PAGE5: variants seen among roughly 807,000 people sequenced by gnomAD.
PAGE5 encodes PAGE family member 5, also known as P antigen family member 5.
Under a neutral mutation model 8.1 loss-of-function variants are expected in PAGE5, and 8 were observed. The observed-to-expected ratio is 0.98, with a 90% confidence interval of 0.58 to 1.77. The LOEUF (loss-of-function observed/expected upper bound fraction) is 1.77, where lower values mean the gene tolerates loss of function less well. Ranked by LOEUF, PAGE5 falls within the 40% of genes most tolerant of loss-of-function variation. PAGE5 has a pLI of 0.00. For synonymous variants in PAGE5, 30 were observed against 27.0 expected (o/e 1.11, Z -0.35); for missense variants, 64 against 77.6 (o/e 0.82, Z 0.66).
At chrX:55,223,757 C>T (rs147204945) in intron 4 of PAGE5, among the ~76,000 whole-genome samples, 1,517 of 111,680 alleles carry the variant, frequency 0.014, 31 homozygotes, top group African/African-American at 0.047. Flanking sequence ...ATTCTGTACT[C>T]GAACAGTGTC....
At chrX:55,220,515 G>C in intron 1 of PAGE5, 63 bp downstream of exon 1, 1 of 957,141 alleles carries the variant, frequency 1.0e-6, no homozygotes, top group Non-Finnish European at 1.5e-6. Context: ...AGGAGCCAGC[G>C]GGCTTAGGAC....
chrX:55,220,607 C>T lies in PAGE5; in HGVS notation c.-9+155C>T, dbSNP rs758141055. The T allele has an allele frequency of 3.2e-5, 38 of 1,196,841 alleles. No individual in the cohort carries two copies. The highest frequency in any genetic ancestry group is 9.2e-5 in the South Asian group (5 of 54,589). On this transcript the variant is annotated intron_variant, in intron 1 of 4. Coordinates refer to ENST00000374955, the MANE Select transcript of PAGE5 (RefSeq NM_001013435.3). ...GCCTTCCCCCAGGTCCTGATGCAGG[C>T]GCCATGGGCCGGTAATCGTGGCTGG...
intron 3 of PAGE5, 59 bp from the exon 4 acceptor site, chrX:55,222,562 T>C: frequency 9.0e-7 from 1 of 1,104,994 alleles, no homozygotes; most frequent in South Asian, 1.9e-5. Flanking sequence ...GAATAAATAT[T>C]ATTACCTCGT....
At position 55,224,011 on chromosome X, in the gene PAGE5, C is replaced by A. The variant is rs368924043; in HGVS notation, c.*8C>A. On this transcript the variant is annotated 3_prime_UTR_variant, in exon 5 of 5. Transcript: ENST00000374955. Reference sequence around the variant, plus strand: ...GGTGAAGGGCAACTATAGGTTTAAACCAAGACAAATGAAGACTGAAACCAA... The same window carrying A: ...GGTGAAGGGCAACTATAGGTTTAAAACAAGACAAATGAAGACTGAAACCAA... 3.5e-6 allele frequency: 4 copies of A among 1,132,908 alleles called. No homozygotes were observed. The South Asian group carries it at 8.8e-5, about 25-fold the overall frequency. 93.4% of individuals were successfully genotyped at this position (1,132,908 alleles called of 1,213,427 possible). A position where few individuals can be genotyped will look rare whatever the true frequency, so the allele number is the denominator to read the frequency against.
Position 55,222,777 on chromosome X carries a change from G to T in PAGE5, c.316+31G>T, listed in dbSNP as rs776422680. On this transcript the variant is annotated intron_variant, in intron 4 of 4. Coordinates refer to ENST00000374955, the MANE Select transcript of PAGE5 (RefSeq NM_001013435.3). ...TTATTCAATAAGATGCAAATTATAG[G>T]GTTTCTATTTTCACAATATTGTATT... The T allele has an allele frequency of 5.9e-6, 7 of 1,189,683 alleles. No individual in the cohort carries two copies. The South Asian group carries it at 9.2e-5, about 16-fold the overall frequency.
intron 3 of PAGE5, 86 bp downstream of exon 3, chrX:55,221,961 C>A: frequency 1.1e-6 from 1 of 941,753 alleles, no homozygotes. Context: ...AACAGGAGGA[C>A]AGAAAACATT....
At chrX:55,221,288 G>C (rs1268198159) in intron 1 of PAGE5, 87 bp from the exon 2 acceptor site, 1 of 880,679 alleles carries the variant, frequency 1.1e-6, no homozygotes, top group African/African-American at 2.0e-5. Context: ...AATTAAAAAA[G>C]TACAAATCAC....
chrX:55,220,545 G>A (rs761883603), intron 1 of PAGE5, 93 bp downstream of exon 1: 46 of 1,132,752 alleles, frequency 4.1e-5, no homozygotes, highest in Non-Finnish European at 5.4e-5. Flanking sequence ...GGCACAGTCC[G>A]TGGCTTTGAG....
chrX:55,223,123 A>G (rs1001364645), intron 4 of PAGE5, among the ~76,000 whole-genome samples: 1 of 112,445 alleles, frequency 8.9e-6, no homozygotes, highest in Non-Finnish European at 1.9e-5. Flanking sequence ...AATTAGGTTG[A>G]GCCGTTTTAC....
chrX:55,221,492 A>G (rs755521905), intron 2 of PAGE5, 29 bp downstream of exon 2: 31 of 1,166,799 alleles, frequency 2.7e-5, no homozygotes, highest in Non-Finnish European at 3.1e-5. Flanking sequence ...GATGTTTTCT[A>G]TTAACACATT....
At position 55,221,745 on chromosome X, in the gene PAGE5, G is replaced by A. The variant is rs780915198; in HGVS notation, c.82-22G>A. The stretch of plus-strand genomic sequence containing the variant: ...TGTTTATATTATTGACTTTTTATTC[G>A]CACACACACTTACACCCTTAGGTCC... On this transcript the variant is annotated intron_variant, in intron 2 of 4. Transcript: ENST00000374955. 3.4e-4 allele frequency: 408 copies of A among 1,190,230 alleles called. 3 individuals are homozygous for A. The East Asian group carries it at 9.7e-3, about 28-fold the overall frequency.
chrX:55,222,513 A>C (rs1275424253), intron 3 of PAGE5, 108 bp from the exon 4 acceptor site: 2 of 910,053 alleles, frequency 2.2e-6, no homozygotes, highest in Admixed American at 5.1e-5. Flanking sequence ...AGACTTCTGA[A>C]ATAATTAGCC....
chrX:55,223,925 C>T (rs1937925948), intron 4 of PAGE5, 62 bp from the exon 5 acceptor site: 1 of 942,779 alleles, frequency 1.1e-6, no homozygotes. Context: ...TTGTATACTT[C>T]TAGTGTCATC....
intron 3 of PAGE5, 131 bp from the exon 4 acceptor site, chrX:55,222,490 C>A (rs1203622046): frequency 1.3e-6 from 1 of 791,481 alleles, no homozygotes; most frequent in Non-Finnish European, 1.9e-6. Context: ...TGCTTTCCTG[C>A]TTTTCTGGCA....
chrX:55,223,567 CT>C (rs912959730), intron 4 of PAGE5, among the ~76,000 whole-genome samples: 1 of 112,046 alleles, frequency 8.9e-6, no homozygotes, highest in African/African-American at 3.2e-5. Flanking sequence ...ATTTCCTGCA[CT>C]TAGGCAGTTC....
chrX:55,220,679 G>A (rs777545335), intron 1 of PAGE5: 1 of 1,183,934 alleles, frequency 8.4e-7, no homozygotes, highest in South Asian at 1.9e-5. Context: ...TAGATCGCCT[G>A]AAGATGGTGC....
chrX:55,220,506 G>A (rs903924422), intron 1 of PAGE5, 54 bp downstream of exon 1: 18 of 856,395 alleles, frequency 2.1e-5, no homozygotes, highest in Non-Finnish European at 3.1e-5. Context: ...AATGTGTGGA[G>A]GAGCCAGCGG....
rs1331043814 is a variant in PAGE5, at chrX:55,221,360, A to G, written c.-8-15A>G. The stretch of plus-strand genomic sequence containing the variant: ...TCTTACACACTTTTTCCAAATAACA[A>G]TATTTTGTTTTCAGTGAGAGATATG... On this transcript the variant is annotated splice_polypyrimidine_tract_variant and intron_variant, in intron 1 of 4. Transcript: ENST00000374955. 1.7e-6 allele frequency: 2 copies of G among 1,193,302 alleles called. No homozygotes were observed. The highest frequency in any genetic ancestry group is 1.8e-5 in the African/African-American group (1 of 56,773).
rs1937880343 is a variant in PAGE5, at chrX:55,220,716, G to C, written c.-9+264G>C. The C allele has an allele frequency of 6.5e-6, 7 of 1,081,410 alleles. No homozygotes were observed. In the African/African-American group the frequency reaches 1.3e-4, roughly 20 times the overall value. The allele number at this position is 1,081,410 out of a possible 1,213,427, so 89.1% of individuals were successfully genotyped here. A position where few individuals can be genotyped will look rare whatever the true frequency, so the allele number is the denominator to read the frequency against. The stretch of plus-strand genomic sequence containing the variant: ...AGTCCTGGGGGTGGGTGCTGTTAGA[G>C]GTGTCTGAGTCCCGAAAACGCCTGG... On this transcript the variant is annotated intron_variant, in intron 1 of 4. Transcript: ENST00000374955.
Sources: allele counts gnomAD v4.1 joint callset (sites outside exome capture counted in the v4.1 genomes callset), GRCh38; gene constraint gnomAD v4.1.1; transcripts MANE v1.5; gene names NCBI Gene and HGNC (gene_info 2026-07-23, HGNC 2026-07-21).